Variants in LITAF observed in about 807,000 individuals in gnomAD.
The protein encoded by LITAF is lipopolysaccharide induced TNF factor.
Under a neutral mutation model 14.5 loss-of-function variants are expected in LITAF, and 9 were observed. That is an observed-to-expected ratio of 0.62 (90% CI 0.37 to 1.08). The LOEUF (loss-of-function observed/expected upper bound fraction) is 1.08. Among genes scored for constraint, LITAF ranks in the 50% least tolerant of loss-of-function variants. The probability of loss-of-function intolerance (pLI) is 0.01; values close to 1 mark genes in which losing one functional copy is unlikely to be tolerated. For synonymous variants in LITAF, 98 were observed against 88.2 expected (o/e 1.11, Z -0.62); for missense variants, 206 against 213.4 (o/e 0.97, Z 0.22).
upstream of LITAF, among the ~76,000 whole-genome samples, chr16:11,601,119 C>A (rs553632350): frequency 1.3e-5 from 2 of 152,052 alleles, no homozygotes; most frequent in Non-Finnish European, 2.9e-5. Context: ...TCCATCCCCC[C>A]ACCCTCACTC....
chr16:11,578,674 G>C (rs533507424), intron 1 of LITAF, among the ~76,000 whole-genome samples: 2 of 152,304 alleles, frequency 1.3e-5, no homozygotes, highest in South Asian at 4.1e-4. Flanking sequence ...TGCATGTCAT[G>C]TGCCCTCTGA....
upstream of LITAF, chr16:11,587,186 C>G (rs17552324): frequency 0.26 from 88,176 of 335,666 alleles, 13,818 homozygotes; most frequent in Non-Finnish European, 0.34. Context: ...GTGTCTCCCC[C>G]ACTCTCCTAT....
intron 1 of LITAF, among the ~76,000 whole-genome samples, chr16:11,567,624 G>A (rs879879258): frequency 1.7e-4 from 26 of 152,226 alleles, no homozygotes; most frequent in Admixed American, 1.1e-3. Context: ...ATCACTCAGC[G>A]GAGGAGACCC....
intron 3 of LITAF, among the ~76,000 whole-genome samples, chr16:11,551,092 C>A (rs2064175144): frequency 6.6e-6 from 1 of 152,226 alleles, no homozygotes; most frequent in Non-Finnish European, 1.5e-5. Flanking sequence ...GACCGCCTGA[C>A]AACCAATGTT....
intron 1 of LITAF, among the ~76,000 whole-genome samples, chr16:11,576,687 C>G (rs1281480592): frequency 6.6e-6 from 1 of 152,096 alleles, no homozygotes; most frequent in Non-Finnish European, 1.5e-5. Context: ...ACACAATTTG[C>G]TACTTCAAAG....
chr16:11,560,569 C>T (rs996406352), intron 1 of LITAF, among the ~76,000 whole-genome samples: 5 of 135,040 alleles, frequency 3.7e-5, no homozygotes, highest in African/African-American at 5.6e-5. Flanking sequence ...GGCCACAGAG[C>T]GAGATTCCAT....
At chr16:11,630,429 G>A (rs886334077) in intron 3 of LITAF, among the ~76,000 whole-genome samples, 8 of 152,118 alleles carry the variant, frequency 5.3e-5, no homozygotes, top group South Asian at 2.1e-4. Flanking sequence ...CTGCTCTGGC[G>A]GGGACACCTC....
Position 11,553,347 on chromosome 16 carries a change from G to C in LITAF, c.377+186C>G, listed in dbSNP as rs1465495667. ...AATCGTTTGAACCTGAGCAGTGGGG[G>C]TTACAGTGAGCCGAGATCGCCCCAC... On this transcript the variant is annotated intron_variant, in intron 3 of 3. Transcript: ENST00000622633. This position sits in a 1 kb window ranked among gnomAD's most constrained non-coding sequence, Gnocchi z 7.7. 1 of 639,684 alleles carries C rather than the reference G, an allele frequency of 1.6e-6. No individual in the cohort carries two copies. Among genetic ancestry groups the C allele is most frequent in the Non-Finnish European group, 2.8e-6 (1 of 362,928 alleles). 39.6% of individuals were successfully genotyped at this position (639,684 alleles called of 1,614,324 possible).
intron 1 of LITAF, among the ~76,000 whole-genome samples, chr16:11,565,006 C>CTT (rs34798243): frequency 0.3 from 41,218 of 136,212 alleles, 7,218 homozygotes; most frequent in African/African-American, 0.45. Context: ...ACTGAATTAT[C>CTT]TTTTTTTTTT....
intron 1 of LITAF, among the ~76,000 whole-genome samples, chr16:11,573,797 G>A (rs931020054): frequency 8.8e-5 from 13 of 148,538 alleles, no homozygotes; most frequent in South Asian, 2.1e-4. Context: ...CACTTCTCAG[G>A]TTCAAGCACC....
chr16:11,627,288 C>T (rs1004907207), intron 3 of LITAF, among the ~76,000 whole-genome samples: 3 of 152,152 alleles, frequency 2.0e-5, no homozygotes, highest in Non-Finnish European at 2.9e-5. Flanking sequence ...GATGAAAACC[C>T]GGAGCTGCCC....
intron 3 of LITAF, among the ~76,000 whole-genome samples, chr16:11,615,291 C>G (rs774249916): frequency 2.0e-5 from 3 of 152,144 alleles, no homozygotes; most frequent in African/African-American, 7.2e-5. Flanking sequence ...AATCCCAGCA[C>G]CTTGGGAGGC....
intron 3 of LITAF, among the ~76,000 whole-genome samples, chr16:11,612,800 G>T (rs1364856360): frequency 6.6e-6 from 1 of 152,158 alleles, no homozygotes; most frequent in Non-Finnish European, 1.5e-5. Context: ...CGCCCTCTTG[G>T]GGAATGATTT....
intron 3 of LITAF, among the ~76,000 whole-genome samples, chr16:11,626,735 G>A (rs1339560840): frequency 1.3e-5 from 2 of 152,134 alleles, no homozygotes; most frequent in African/African-American, 4.8e-5. Context: ...GCCTCCCAAA[G>A]TGCTAGGATT....
chr16:11,624,960 C>G (rs1340280531), intron 3 of LITAF, among the ~76,000 whole-genome samples: 4 of 152,158 alleles, frequency 2.6e-5, no homozygotes, highest in Non-Finnish European at 5.9e-5. Flanking sequence ...AGAAGGCAAA[C>G]AGCCCCCAGG....
intron 1 of LITAF, among the ~76,000 whole-genome samples, chr16:11,568,598 A>G (rs1204682043): frequency 6.6e-6 from 1 of 152,088 alleles, no homozygotes; most frequent in African/African-American, 2.4e-5. Context: ...TGTGGAGAAG[A>G]AAGGGGACAT....
chr16:11,582,513 A>G (rs896547033), intron 1 of LITAF, among the ~76,000 whole-genome samples: 5 of 152,168 alleles, frequency 3.3e-5, no homozygotes, highest in Non-Finnish European at 5.9e-5. Flanking sequence ...TCGAAGATCG[A>G]TTCTTCCAGG....
rs71406254 is a variant in LITAF, at chr16:11,549,054, T to TAA, written c.*581_*582dup. On this transcript the variant is annotated 3_prime_UTR_variant, in exon 4 of 4. Transcript: ENST00000622633. The surrounding 1 kb of genome is among the most constrained non-coding windows in gnomAD (Gnocchi z 4.6). Reference sequence around the variant, plus strand: ...GTGTTAATAGCCCCCTCCTTGTATTTAAAAAAAAAATTAAGAAATTAAAGT... The same window carrying TAA: ...GTGTTAATAGCCCCCTCCTTGTATTTAAAAAAAAAAAATTAAGAAATTAAAGT... 1.2e-4 allele frequency: 55 copies of TAA among 442,240 alleles called. No homozygotes were observed. Among genetic ancestry groups the TAA allele is most frequent in the Middle Eastern group, 7.2e-4 (1 of 1,382 alleles). The allele number at this position is 442,240 out of a possible 1,614,324, so 27.4% of individuals were successfully genotyped here.
At chr16:11,595,107 C>G (rs551881197) in intron 1 of LITAF, among the ~76,000 whole-genome samples, 23 of 152,266 alleles carry the variant, frequency 1.5e-4, no homozygotes, top group African/African-American at 5.1e-4. Context: ...TCTGTGTTAC[C>G]CATTAACGAC....
Sources: gnomAD v4.1 joint callset for allele counts (sites outside exome capture counted in the v4.1 genomes callset) on GRCh38, gnomAD v4.1.1 for gene constraint, Gnocchi (gnomAD v3.1) non-coding constraint, MANE v1.5 for transcripts, NCBI Gene and HGNC (gene_info 2026-07-23, HGNC 2026-07-21) for gene names.